The following RIMS1 variants were observed in gnomAD, a reference collection of about 807,000 sequenced individuals.
RIMS1 encodes the protein regulating synaptic membrane exocytosis protein 1.
In RIMS1, 83 loss-of-function variants were observed where a neutral mutation model predicts 214.1. The observed-to-expected ratio is 0.39, with a 90% confidence interval of 0.32 to 0.47. The LOEUF is 0.47. Ranked by LOEUF, RIMS1 falls within the 20% of genes least tolerant of loss-of-function variation. The pLI is 0.99. For synonymous variants in RIMS1, 793 were observed against 786.8 expected (o/e 1.01, Z -0.13); for missense variants, 2,050 against 2,161.8 (o/e 0.95, Z 1.03).
At chr6:72,255,077 A>G (rs934528749) in intron 16 of RIMS1, among the ~76,000 whole-genome samples, 1 of 152,174 alleles carries the variant, frequency 6.6e-6, no homozygotes, top group African/African-American at 2.4e-5. Context: ...TATACTCTTC[A>G]TTGATCCATT....
intron 2 of RIMS1, among the ~76,000 whole-genome samples, chr6:72,067,712 G>C (rs1829647760): frequency 6.6e-6 from 1 of 152,136 alleles, no homozygotes; most frequent in African/African-American, 2.4e-5. Flanking sequence ...GCACATGGCA[G>C]ATTTGCAATA....
intron 2 of RIMS1, among the ~76,000 whole-genome samples, chr6:71,970,062 A>G (rs1378181511): frequency 6.6e-6 from 1 of 152,208 alleles, no homozygotes; most frequent in Admixed American, 6.5e-5. Context: ...ATGTTTTAGG[A>G]TATGAAATGT....
intron 1 of RIMS1, among the ~76,000 whole-genome samples, chr6:71,957,709 A>G (rs529547417): frequency 1.3e-5 from 2 of 150,730 alleles, no homozygotes; most frequent in South Asian, 4.1e-4. Flanking sequence ...CCTCAAGAAC[A>G]CTAAATGACA....
At chr6:72,135,863 G>A (rs1562398111) in intron 4 of RIMS1, among the ~76,000 whole-genome samples, 2 of 152,020 alleles carry the variant, frequency 1.3e-5, no homozygotes. Context: ...CCAAACCCAC[G>A]GTGACCCCAT....
At chr6:72,240,085 T>G (rs1228091100) in intron 9 of RIMS1, among the ~76,000 whole-genome samples, 1 of 152,208 alleles carries the variant, frequency 6.6e-6, no homozygotes, top group Non-Finnish European at 1.5e-5. Flanking sequence ...TAGAGTTGTT[T>G]CTTTATCATT....
intron 2 of RIMS1, among the ~76,000 whole-genome samples, chr6:72,078,081 T>G (rs1330796337): frequency 6.6e-6 from 1 of 152,198 alleles, no homozygotes; most frequent in Non-Finnish European, 1.5e-5. Context: ...TTGAAAGCAA[T>G]CTGTTAAAAA....
chr6:72,146,502 AC>A (rs781377819), intron 4 of RIMS1, among the ~76,000 whole-genome samples: 5 of 152,232 alleles, frequency 3.3e-5, no homozygotes, highest in Non-Finnish European at 7.3e-5. Context: ...TCTTTTATAA[AC>A]CTTTACAAAT....
intron 2 of RIMS1, among the ~76,000 whole-genome samples, chr6:72,094,454 C>T (rs370925632): frequency 1.1e-4 from 17 of 151,996 alleles, no homozygotes; most frequent in African/African-American, 3.9e-4. Context: ...ATAAAATTCC[C>T]GTATGTTTGA....
intron 26 of RIMS1, among the ~76,000 whole-genome samples, chr6:72,301,577 A>G (rs1353735564): frequency 6.6e-6 from 1 of 151,638 alleles, no homozygotes; most frequent in Non-Finnish European, 1.5e-5. Context: ...TATAAACAAT[A>G]CAGTATAACA....
intron 6 of RIMS1, among the ~76,000 whole-genome samples, chr6:72,229,433 A>G (rs569856374): frequency 4.6e-5 from 7 of 152,032 alleles, no homozygotes; most frequent in African/African-American, 1.7e-4. Context: ...TGTATGATTA[A>G]TGATTAAATT....
intron 6 of RIMS1, among the ~76,000 whole-genome samples, chr6:72,198,949 G>C (rs771264350): frequency 7.2e-5 from 11 of 151,870 alleles, no homozygotes; most frequent in Admixed American, 1.3e-4. Flanking sequence ...CAAGAAAACT[G>C]AATAATAATC....
intron 29 of RIMS1, among the ~76,000 whole-genome samples, chr6:72,359,299 G>A (rs1422591267): frequency 2.6e-5 from 4 of 152,152 alleles, no homozygotes; most frequent in African/African-American, 9.7e-5. Context: ...CTTACCAAAT[G>A]ACCACTGGGG....
intron 2 of RIMS1, among the ~76,000 whole-genome samples, chr6:72,007,293 G>C (rs1397905656): frequency 6.6e-6 from 1 of 152,170 alleles, no homozygotes; most frequent in Non-Finnish European, 1.5e-5. Context: ...CTAAAAAACA[G>C]AAAGGACATC....
chr6:72,029,552 G>C (rs1214140970), intron 2 of RIMS1, among the ~76,000 whole-genome samples: 1 of 152,086 alleles, frequency 6.6e-6, no homozygotes, highest in African/African-American at 2.4e-5. Context: ...GAATTTGTTG[G>C]CATCATGATA....
intron 19 of RIMS1, 180 bp downstream of exon 19, chr6:72,260,947 C>T (rs575324471): frequency 2.0e-5 from 28 of 1,412,088 alleles, no homozygotes; most frequent in African/African-American, 1.7e-4. Context: ...ATTTCAGTTC[C>T]GATTCAGGCT....
intron 1 of RIMS1, among the ~76,000 whole-genome samples, chr6:71,939,730 C>T (rs76381800): frequency 0.074 from 11,243 of 152,198 alleles, 537 homozygotes; most frequent in Middle Eastern, 0.12. Context: ...TTCATGAAGG[C>T]AGAGCTTTCA....
intron 29 of RIMS1, among the ~76,000 whole-genome samples, chr6:72,353,269 G>C (rs979300100): frequency 1.3e-5 from 2 of 152,106 alleles, no homozygotes; most frequent in Non-Finnish European, 2.9e-5. Flanking sequence ...ACAGGCATGA[G>C]CCACCACGTC....
intron 2 of RIMS1, among the ~76,000 whole-genome samples, chr6:72,018,562 A>T (rs1011998734): frequency 1.3e-5 from 2 of 152,312 alleles, no homozygotes; most frequent in African/African-American, 2.4e-5. Flanking sequence ...ATATACTGAG[A>T]GTTATCAGGA....
intron 29 of RIMS1, chr6:72,366,609 G>C (rs146299014): frequency 2.6e-6 from 2 of 781,062 alleles, no homozygotes; most frequent in East Asian, 1.3e-4. Context: ...CTTACAATAA[G>C]CTATAGGAAA....
Sources: allele counts gnomAD v4.1 joint callset (sites outside exome capture counted in the v4.1 genomes callset), GRCh38; gene constraint gnomAD v4.1.1; transcripts MANE v1.5; gene names NCBI Gene and HGNC (gene_info 2026-07-23, HGNC 2026-07-21).